Variants in NFIX observed in about 807,000 individuals in gnomAD.
NFIX encodes nuclear factor 1 X-type.
NFIX carries 2 observed loss-of-function variants against 53.3 expected under a neutral mutation model. The observed-to-expected ratio is 0.04, with a 90% CI of 0.02 to 0.12. NFIX has a LOEUF of 0.12. NFIX is among the 10% of genes least tolerant of loss of function. NFIX has a pLI of 1.00. For synonymous variants in NFIX, 244 were observed against 289.0 expected, an observed-to-expected ratio of 0.84 and a Z score of 1.58; for missense variants, 310 against 674.5, an observed-to-expected ratio of 0.46 and a Z score of 5.99.
rs1599720920 is a variant in NFIX at position 13,014,147 on chromosome 19, G to C, written c.28-10874G>C. 1 of 152,190 alleles carries C rather than the reference G, an allele frequency of 6.6e-6. No homozygotes were observed. The highest frequency in any genetic ancestry group is 6.5e-5 in the Admixed American group (1 of 15,282). The allele number at this position is 152,190 out of a possible 1,614,324, so 9.4% of individuals were successfully genotyped here. A position where few individuals can be genotyped will look rare whatever the true frequency, so the allele number is the denominator to read the frequency against. On this transcript the variant is annotated intron_variant, in intron 1 of 10. Coordinates refer to ENST00000592199, the MANE Select transcript of NFIX (RefSeq NM_001365902.3). The surrounding 1 kb of genome is among the most constrained non-coding windows in gnomAD (Gnocchi z 4.4). ...ATTCAGCATTGTCTTATTTAAGGGCGGAAAGCGCGCTTTTCGGCAGAGCTG... is the reference window on the plus strand; with the variant it reads ...ATTCAGCATTGTCTTATTTAAGGGCCGAAAGCGCGCTTTTCGGCAGAGCTG...
At chr19:13,074,176 G>GTCCACCA (rs2016935371) in intron 5 of NFIX, 150 bp downstream of exon 5, 2 of 1,060,604 alleles carry the variant, frequency 1.9e-6, no homozygotes, top group South Asian at 3.1e-5. Flanking sequence ...ACACTTTAGA[G>GTCCACCA]TCCACCATGC....
chr19:12,997,662 C>T (rs2011519065), intron 1 of NFIX, among the ~76,000 whole-genome samples: 1 of 152,226 alleles, frequency 6.6e-6, no homozygotes, highest in South Asian at 2.1e-4. Context: ...TCAAGCAGCC[C>T]CTTGCCCACC....
chr19:13,058,212 A>G (rs2015835139), intron 2 of NFIX, among the ~76,000 whole-genome samples: 1 of 152,074 alleles, frequency 6.6e-6, no homozygotes, highest in Non-Finnish European at 1.5e-5. Flanking sequence ...ACCAGGCTCC[A>G]GGGGCTAAGC....
At chr19:13,079,809 G>A (rs763185578) in intron 7 of NFIX, among the ~76,000 whole-genome samples, 35 of 152,260 alleles carry the variant, frequency 2.3e-4, no homozygotes, top group Non-Finnish European at 4.1e-4. Context: ...GAGCAAGAGC[G>A]AGCTGATTGG....
At chr19:13,062,055 C>T (rs930321564) in intron 2 of NFIX, among the ~76,000 whole-genome samples, 3 of 152,266 alleles carry the variant, frequency 2.0e-5, no homozygotes, top group Admixed American at 1.3e-4. Context: ...CGTATTTCCT[C>T]TGGACAGCTC....
intron 2 of NFIX, among the ~76,000 whole-genome samples, chr19:13,033,897 G>C (rs2013992437): frequency 6.6e-6 from 1 of 152,244 alleles, no homozygotes; most frequent in Non-Finnish European, 1.5e-5. Context: ...CGTTTTGTCA[G>C]CTGCCTGAGC....
chr19:13,011,876 C>CT lies in NFIX; in HGVS notation c.28-13144dup, dbSNP rs559203755. On this transcript the variant is annotated intron_variant, in intron 1 of 10. Transcript: ENST00000592199. This position sits in a 1 kb window ranked among gnomAD's most constrained non-coding sequence, Gnocchi z 6.5. ...TGGACCCGCTGCAACTGACTCAAGA[C>CT]TGGGGGGAGGGGGCTCATGGAGGTA... 4.0e-3 allele frequency among the ~76,000 whole-genome samples: 601 copies of CT among 152,098 alleles called. 7 individuals are homozygous for CT. The highest frequency in any genetic ancestry group is 0.014 in the African/African-American group (585 of 41,380).
chr19:13,088,263 A>T lies in NFIX; in HGVS notation c.1402+127A>T. The T allele has an allele frequency of 3.4e-6, 4 of 1,188,010 alleles. No homozygotes were observed. Among genetic ancestry groups the T allele is most frequent in the Non-Finnish European group, 4.6e-6 (4 of 864,732 alleles). The allele number at this position is 1,188,010 out of a possible 1,614,324, so 73.6% of individuals were successfully genotyped here. A position where few individuals can be genotyped will look rare whatever the true frequency, so the allele number is the denominator to read the frequency against. On this transcript the variant is annotated intron_variant, in intron 9 of 10. Coordinates refer to ENST00000592199, the MANE Select transcript of NFIX (RefSeq NM_001365902.3). The surrounding 1 kb of genome is among the most constrained non-coding windows in gnomAD (Gnocchi z 5.9). ...AGCCCCCCAACCCAGAGCACCATGG[A>T]CAAGAGCAGAGCCGAGCCCCCCAAC...
rs2011675220 is a variant in NFIX at position 13,001,242 on chromosome 19, A to G, written c.27+5378A>G. Among the ~76,000 whole-genome samples the G allele has an allele frequency of 6.6e-6, 1 of 152,146 alleles. No homozygotes were observed. Among genetic ancestry groups the G allele is most frequent in the Non-Finnish European group, 1.5e-5 (1 of 68,036 alleles). ...TGTTAATCGGCATGTCAGGCCTCAGAGCCACCATTTTCCCGAGGATGTCTG... is the reference window on the plus strand; with the variant it reads ...TGTTAATCGGCATGTCAGGCCTCAGGGCCACCATTTTCCCGAGGATGTCTG... On this transcript the variant is annotated intron_variant, in intron 1 of 10. Transcript: ENST00000592199. This position sits in a 1 kb window ranked among gnomAD's most constrained non-coding sequence, Gnocchi z 6.5.
Position 13,022,477 on chromosome 19 carries a change from C to G in NFIX, c.28-2544C>G, listed in dbSNP as rs1037347914. On this transcript the variant is annotated intron_variant, in intron 1 of 10. Transcript: ENST00000592199. This position sits in a 1 kb window ranked among gnomAD's most constrained non-coding sequence, Gnocchi z 4.5. ...CCAGATCCCTGCCCTGGAAGTACTG[C>G]TGGCATGGACACTTTCTGAGCTCTC... 1.3e-5 allele frequency among the ~76,000 whole-genome samples: 2 copies of G among 152,116 alleles called. No individual in the cohort carries two copies. Among genetic ancestry groups the G allele is most frequent in the Non-Finnish European group, 2.9e-5 (2 of 68,026 alleles).
rs1232924338 is a variant in NFIX, at chr19:13,052,761, C to T, written c.560-20286C>T. Reference sequence around the variant, plus strand: ...TCTTGGAACGGCTCGGCTCCAGGGCCGTGAGGTTGGCACCCCCTGCACCCG... The same window carrying T: ...TCTTGGAACGGCTCGGCTCCAGGGCTGTGAGGTTGGCACCCCCTGCACCCG... On this transcript the variant is annotated intron_variant, in intron 2 of 10. Transcript: ENST00000592199. This position sits in a 1 kb window ranked among gnomAD's most constrained non-coding sequence, Gnocchi z 5.2. Among the ~76,000 whole-genome samples, 1 of 152,194 alleles carries T rather than the reference C, an allele frequency of 6.6e-6. No homozygotes were observed. Among genetic ancestry groups the T allele is most frequent in the Middle Eastern group, 3.4e-3 (1 of 292 alleles).
rs368505539 is a variant in NFIX at position 13,033,532 on chromosome 19, G to A, written c.559+7980G>A. Among the ~76,000 whole-genome samples, 9 of 152,266 alleles carry A rather than the reference G, an allele frequency of 5.9e-5. No homozygotes were observed. In the South Asian group the frequency reaches 6.2e-4, roughly 11 times the overall value. ...CCACCCCAGTACAGGGTACTTATTAGCTGTTATTTGGGGACACCCAATAAC... is the reference window on the plus strand; with the variant it reads ...CCACCCCAGTACAGGGTACTTATTAACTGTTATTTGGGGACACCCAATAAC... On this transcript the variant is annotated intron_variant, in intron 2 of 10. Transcript: ENST00000592199.
chr19:13,036,580 A>C lies in NFIX; in HGVS notation c.559+11028A>C, dbSNP rs144416130. On this transcript the variant is annotated intron_variant, in intron 2 of 10. Coordinates refer to ENST00000592199, the MANE Select transcript of NFIX (RefSeq NM_001365902.3). The surrounding 1 kb of genome is among the most constrained non-coding windows in gnomAD (Gnocchi z 4.7). ...CGGGAGATCCCCGGAGGCGACCTGC[A>C]GGAGGCCAGCCGAGTGCAGCCCTTG... is the stretch of plus-strand genomic sequence containing the variant. Among the ~76,000 whole-genome samples, 72 of 152,306 alleles carry C rather than the reference A, an allele frequency of 4.7e-4. No individual in the cohort carries two copies. In the East Asian group the frequency reaches 8.3e-3, roughly 18 times the overall value.
At position 13,097,564 on chromosome 19, in the gene NFIX, A is replaced by G. The variant is rs2018532743; in HGVS notation, c.*2915A>G. On this transcript the variant is annotated 3_prime_UTR_variant, in exon 11 of 11. Transcript: ENST00000592199. ...ACAGCGGCGTGCCCCCGGCGGCTGG[A>G]CTGCTCCGGCCGCGGGTCTCCCCGG... 1.3e-5 allele frequency: 2 copies of G among 152,352 alleles called. No individual in the cohort carries two copies. The highest frequency in any genetic ancestry group is 1.3e-4 in the Admixed American group (2 of 15,272). The allele number at this position is 152,352 out of a possible 1,614,324, so 9.4% of individuals were successfully genotyped here.
At position 12,997,154 on chromosome 19, in the gene NFIX, G is replaced by C. The variant is rs546381825; in HGVS notation, c.27+1290G>C. On this transcript the variant is annotated intron_variant, in intron 1 of 10. Coordinates refer to ENST00000592199, the MANE Select transcript of NFIX (RefSeq NM_001365902.3). The stretch of plus-strand genomic sequence containing the variant: ...CAGCTTACAGTGGCAGTCCACATGG[G>C]TATGGCTCCTACTTTGTCTGGGTCC... 1.1e-4 allele frequency among the ~76,000 whole-genome samples: 17 copies of C among 152,366 alleles called. No individual in the cohort carries two copies. In the East Asian group the frequency reaches 2.5e-3, roughly 22 times the overall value.
Position 12,995,495 on chromosome 19 carries a change from AGCGCGGCGGCTGCGGCGG to A in NFIX, c.-342_-325del, listed in dbSNP as rs2011427941. On this transcript the variant is annotated 5_prime_UTR_variant, in exon 1 of 11. Coordinates refer to ENST00000592199, the MANE Select transcript of NFIX (RefSeq NM_001365902.3). ...ACTTTGTCTAAACTTTCACTTTCAC[AGCGCGGCGGCTGCGGCGG>A]CGGCGGCGGCGGGCGAGGGTGACCG... 6.4e-6 allele frequency: 1 copy of A among 155,070 alleles called. No homozygotes were observed. Among genetic ancestry groups the A allele is most frequent in the Admixed American group, 6.6e-5 (1 of 15,166 alleles). The allele number at this position is 155,070 out of a possible 1,614,324, so 9.6% of individuals were successfully genotyped here.
Position 13,088,807 on chromosome 19 carries a change from G to T in NFIX, c.1402+671G>T, listed in dbSNP as rs1424924177. 6.6e-6 allele frequency among the ~76,000 whole-genome samples: 1 copy of T among 151,998 alleles called. No individual in the cohort carries two copies. Among genetic ancestry groups the T allele is most frequent in the Admixed American group, 6.6e-5 (1 of 15,264 alleles). Reference sequence around the variant, plus strand: ...AGGACGAGGGAGGGCTGTGGGCTTTGGCTTACTTCATCTCTCTCTCTGTCT... The same window carrying T: ...AGGACGAGGGAGGGCTGTGGGCTTTTGCTTACTTCATCTCTCTCTCTGTCT... On this transcript the variant is annotated intron_variant, in intron 9 of 10. Transcript: ENST00000592199. This position sits in a 1 kb window ranked among gnomAD's most constrained non-coding sequence, Gnocchi z 5.9.
At position 12,995,811 on chromosome 19, in the gene NFIX, G is replaced by T; in HGVS notation, c.-27G>T. 1.0e-6 allele frequency: 1 copy of T among 981,236 alleles called. No individual in the cohort carries two copies. Among genetic ancestry groups the T allele is most frequent in the South Asian group, 4.4e-5 (1 of 22,662 alleles). 60.8% of individuals were successfully genotyped at this position (981,236 alleles called of 1,614,324 possible). On this transcript the variant is annotated 5_prime_UTR_variant, in exon 1 of 11. Coordinates refer to ENST00000592199, the MANE Select transcript of NFIX (RefSeq NM_001365902.3). ...GGGCCTCCCCTCGCCGCGGCCGGCC[G>T]CCGCGCTCCCGCCCGGGCGCCCAGC...
In NFIX at chr19:13,040,199, G is replaced by T. The variant is rs1170737786; in HGVS notation, c.559+14647G>T. ...AGCCCCTTCCTTCACCCCTGCCCCC[G>T]CTGAGTACCTTGTTACAGGGGCTAC... On this transcript the variant is annotated intron_variant, in intron 2 of 10. Transcript: ENST00000592199. This position sits in a 1 kb window ranked among gnomAD's most constrained non-coding sequence, Gnocchi z 4.2. Among the ~76,000 whole-genome samples, 1 of 152,200 alleles carries T rather than the reference G, an allele frequency of 6.6e-6. No individual in the cohort carries two copies. The highest frequency in any genetic ancestry group is 6.5e-5 in the Admixed American group (1 of 15,284).
Sources: allele counts gnomAD v4.1 joint callset (sites outside exome capture counted in the v4.1 genomes callset), GRCh38; gene constraint gnomAD v4.1.1; non-coding constraint Gnocchi (gnomAD v3.1); transcripts MANE v1.5; gene names NCBI Gene and HGNC (gene_info 2026-07-23, HGNC 2026-07-21).